The following CWH43 variants were observed in gnomAD, a reference collection of about 807,000 sequenced individuals.
CWH43 encodes PGAP2-interacting protein.
CWH43 carries 91 observed loss-of-function variants against 85.7 expected under a neutral mutation model. The ratio of observed to expected loss-of-function variants is 1.06; its 90% CI spans 0.90 to 1.26. The LOEUF (loss-of-function observed/expected upper bound fraction) is 1.26. Ranked by LOEUF, CWH43 falls within the 50% of genes most tolerant of loss-of-function variation. The pLI, the probability that CWH43 is intolerant of heterozygous loss-of-function variation, is 0.00. For synonymous variants in CWH43, 323 were observed against 293.6 expected (o/e 1.10, Z -1.02); for missense variants, 869 against 839.2 (o/e 1.04, Z -0.44).
At chr4:49,044,685 T>G (rs1349658855) in intron 13 of CWH43, 101 bp from the exon 14 acceptor site, 1 of 860,632 alleles carries the variant, frequency 1.2e-6, no homozygotes, top group East Asian at 2.5e-5. Context: ...AAACAGCATG[T>G]ACAAAGAGAT....
intron 9 of CWH43, 34 bp from the exon 10 acceptor site, chr4:49,028,595 G>C: frequency 6.6e-7 from 1 of 1,508,618 alleles, no homozygotes; most frequent in Non-Finnish European, 9.2e-7. Context: ...ATTGTTCACA[G>C]TCATCCTAAA....
chr4:48,994,078 A>G (rs532837482), intron 4 of CWH43, among the ~76,000 whole-genome samples: 1 of 152,284 alleles, frequency 6.6e-6, no homozygotes. Flanking sequence ...TCTAATTTGT[A>G]AAATAGGATT....
chr4:49,025,127 T>C lies in CWH43; in HGVS notation c.1267-3502T>C, dbSNP rs186601959. Among the ~76,000 whole-genome samples, 4 of 152,202 alleles carry C rather than the reference T, an allele frequency of 2.6e-5. No individual in the cohort carries two copies. The East Asian group carries it at 7.7e-4, about 29-fold the overall frequency. On this transcript the variant is annotated intron_variant, in intron 9 of 15. Coordinates refer to ENST00000226432, the MANE Select transcript of CWH43 (RefSeq NM_025087.3). ...TCAACCTTTGAAGTTTTTTCTTCTA[T>C]TTGTTCAATTCTATTGCTGAGATTT...
intron 1 of CWH43, among the ~76,000 whole-genome samples, chr4:48,988,248 C>G (rs1782550983): frequency 6.6e-6 from 1 of 152,158 alleles, no homozygotes; most frequent in Non-Finnish European, 1.5e-5. Flanking sequence ...CTTTTCTGTC[C>G]ATCAGTCTCT....
intron 8 of CWH43, among the ~76,000 whole-genome samples, chr4:49,015,723 A>G (rs1783522942): frequency 6.6e-6 from 1 of 151,516 alleles, no homozygotes; most frequent in Admixed American, 6.6e-5. Context: ...CCTCTTTCAT[A>G]TTTTCTGCCT....
intron 14 of CWH43, among the ~76,000 whole-genome samples, chr4:49,048,611 G>A (rs1228865383): frequency 1.3e-5 from 2 of 151,966 alleles, no homozygotes; most frequent in African/African-American, 4.8e-5. Flanking sequence ...TTCTTGCCAT[G>A]TGCCCACATG....
intron 13 of CWH43, among the ~76,000 whole-genome samples, chr4:49,042,656 G>A (rs1468027612): frequency 6.6e-6 from 1 of 152,172 alleles, no homozygotes; most frequent in African/African-American, 2.4e-5. Flanking sequence ...TAGAGTGCTA[G>A]AGTTAGAGAA....
At chr4:49,012,476 A>G (rs774808184) in intron 8 of CWH43, among the ~76,000 whole-genome samples, 2 of 152,146 alleles carry the variant, frequency 1.3e-5, no homozygotes, top group Admixed American at 6.5e-5. Context: ...ACTTCTGTCA[A>G]CTCATCAAAG....
At chr4:48,991,399 G>A (rs1376260699) in intron 2 of CWH43, 55 bp from the exon 3 acceptor site, 10 of 1,602,258 alleles carry the variant, frequency 6.2e-6, no homozygotes, top group East Asian at 4.5e-5. Context: ...TGCAGATCAC[G>A]GAGTTCCAAT....
chr4:49,004,529 A>G (rs1474084000), intron 7 of CWH43, among the ~76,000 whole-genome samples: 3 of 152,118 alleles, frequency 2.0e-5, no homozygotes, highest in Non-Finnish European at 2.9e-5. Flanking sequence ...TGGGTCTACT[A>G]GGTGTGGGCC....
intron 13 of CWH43, among the ~76,000 whole-genome samples, chr4:49,042,806 G>A (rs1233038621): frequency 2.6e-5 from 4 of 152,212 alleles, no homozygotes; most frequent in Non-Finnish European, 5.9e-5. Flanking sequence ...CCTGGAAAGT[G>A]TGTAATCACA....
rs1389025637 is a variant in CWH43, at chr4:49,017,239, T to A, written c.1187-10T>A. On this transcript the variant is annotated splice_polypyrimidine_tract_variant and intron_variant, in intron 8 of 15. Coordinates refer to ENST00000226432, the MANE Select transcript of CWH43 (RefSeq NM_025087.3). ...TTAAAAAAACCCAATTATTTCTTTT[T>A]TCTGTTTAGTTCTGTGGCTGCTTGT... 3 of 1,598,642 alleles carry A rather than the reference T, an allele frequency of 1.9e-6. No homozygotes were observed. The African/African-American group carries it at 4.1e-5, about 22-fold the overall frequency.
At chr4:49,052,258 A>G (rs1346768266) in intron 15 of CWH43, among the ~76,000 whole-genome samples, 4 of 152,142 alleles carry the variant, frequency 2.6e-5, no homozygotes. Context: ...CCTTAGGGTC[A>G]TCTGTCTGGT....
At chr4:48,999,948 G>C (rs1339677189) in intron 6 of CWH43, among the ~76,000 whole-genome samples, 1 of 152,116 alleles carries the variant, frequency 6.6e-6, no homozygotes, top group East Asian at 1.9e-4. Context: ...TCTTTGTGAA[G>C]AGGAGGGAGC....
chr4:48,997,499 T>C (rs1221644322), intron 5 of CWH43, among the ~76,000 whole-genome samples: 3 of 152,142 alleles, frequency 2.0e-5, no homozygotes, highest in Non-Finnish European at 4.4e-5. Flanking sequence ...CACTCAAAAA[T>C]ATTTGTTGTT....
intron 14 of CWH43, among the ~76,000 whole-genome samples, 196 bp downstream of exon 14, chr4:49,045,043 G>A (rs1784581985): frequency 6.6e-6 from 1 of 152,150 alleles, no homozygotes; most frequent in East Asian, 1.9e-4. Context: ...ATTTACAAAA[G>A]TAGAAATAGC....
chr4:49,022,548 T>C (rs1783784300), intron 9 of CWH43, among the ~76,000 whole-genome samples: 1 of 152,214 alleles, frequency 6.6e-6, no homozygotes, highest in African/African-American at 2.4e-5. Context: ...GGTATTAGGG[T>C]GATACTGGCT....
At chr4:49,025,264 T>A (rs1450096449) in intron 9 of CWH43, among the ~76,000 whole-genome samples, 1 of 152,092 alleles carries the variant, frequency 6.6e-6, no homozygotes, top group Admixed American at 6.5e-5. Context: ...CTGTATCATT[T>A]TTTTTTTTAT....
At chr4:49,045,374 T>C (rs1784592213) in intron 14 of CWH43, among the ~76,000 whole-genome samples, 1 of 152,230 alleles carries the variant, frequency 6.6e-6, no homozygotes, top group African/African-American at 2.4e-5. Flanking sequence ...TATGTGTGTG[T>C]ATGATATACT....
Sources: allele counts gnomAD v4.1 joint callset (sites outside exome capture counted in the v4.1 genomes callset), GRCh38; gene constraint gnomAD v4.1.1; transcripts MANE v1.5; gene names NCBI Gene and HGNC (gene_info 2026-07-23, HGNC 2026-07-21).